The following CHD9 variants were observed in gnomAD, a reference collection of about 807,000 sequenced individuals.
The protein encoded by CHD9 is ATP-dependent chromatin remodeler CHD9.
Under a neutral mutation model 316.1 loss-of-function variants are expected in CHD9, and 77 were observed. That is an observed-to-expected ratio of 0.24 (90% CI 0.20 to 0.29). The LOEUF is 0.29. Among genes scored for constraint, CHD9 ranks in the 10% least tolerant of loss-of-function variants. The pLI is 1.00. For missense variants in CHD9, 2,763 were observed against 3,438.1 expected (o/e 0.80, Z 4.91); for synonymous variants, 1,129 against 1,158.3 (o/e 0.97, Z 0.51).
At chr16:53,143,833 G>A (rs1052743013) in intron 1 of CHD9, among the ~76,000 whole-genome samples, 2 of 152,124 alleles carry the variant, frequency 1.3e-5, no homozygotes, top group East Asian at 1.9e-4. Context: ...GACTCATGCT[G>A]TTACATGTTA....
intron 28 of CHD9, among the ~76,000 whole-genome samples, chr16:53,292,479 C>G (rs1230482917): frequency 6.6e-6 from 1 of 152,182 alleles, no homozygotes; most frequent in Non-Finnish European, 1.5e-5. Flanking sequence ...ATACAGAAGG[C>G]TTCCATTAGA....
chr16:53,108,891 T>C (rs1186068505), intron 1 of CHD9, among the ~76,000 whole-genome samples: 2 of 148,218 alleles, frequency 1.3e-5, no homozygotes, highest in Non-Finnish European at 2.9e-5. Flanking sequence ...CAAAACTGTT[T>C]CAAAAATAAA....
At chr16:53,271,747 G>A (rs1195568145) in intron 22 of CHD9, among the ~76,000 whole-genome samples, 1 of 151,870 alleles carries the variant, frequency 6.6e-6, no homozygotes, top group Non-Finnish European at 1.5e-5. Flanking sequence ...GAAAGCAGAA[G>A]CCTATAAATT....
chr16:53,270,662 A>G (rs116136271), intron 22 of CHD9, among the ~76,000 whole-genome samples: 52 of 152,298 alleles, frequency 3.4e-4, no homozygotes, highest in African/African-American at 1.2e-3. Flanking sequence ...AATAAGCATA[A>G]ACTCTCAAAA....
chr16:53,181,755 G>A (rs542371729), intron 2 of CHD9, among the ~76,000 whole-genome samples: 1 of 152,278 alleles, frequency 6.6e-6, no homozygotes, highest in South Asian at 2.1e-4. Context: ...TCCTCAAAAT[G>A]TTACTGAGGG....
chr16:53,315,983 C>T (rs946372575), intron 36 of CHD9, among the ~76,000 whole-genome samples: 8 of 152,188 alleles, frequency 5.3e-5, no homozygotes, highest in African/African-American at 1.4e-4. Context: ...GGCTCATGCC[C>T]GTAATCCTAG....
intron 1 of CHD9, among the ~76,000 whole-genome samples, chr16:53,097,038 A>G (rs373305499): frequency 6.6e-6 from 1 of 152,038 alleles, no homozygotes; most frequent in Non-Finnish European, 1.5e-5. Flanking sequence ...ACATCTCTCA[A>G]TACTGCCACA....
chr16:53,080,162 A>T (rs773712293), intron 1 of CHD9, among the ~76,000 whole-genome samples: 1 of 152,228 alleles, frequency 6.6e-6, no homozygotes, highest in Admixed American at 6.5e-5. Context: ...ATTGGTTGGC[A>T]TGGGGGAAAA....
chr16:53,156,094 C>T lies in CHD9; in HGVS notation c.5C>T (p.Thr2Ile). The T allele has an allele frequency of 1.2e-6, 2 of 1,610,402 alleles. No homozygotes were observed. Among genetic ancestry groups the T allele is most frequent in the Non-Finnish European group, 1.7e-6 (2 of 1,177,946 alleles). Residue 2 changes from threonine to isoleucine, a missense_variant, in exon 2 of 39, where the codon ACA becomes ATA. By Grantham distance (89) the Thr-to-Ile change is moderately conservative. Coordinates refer to ENST00000447540, the MANE Select transcript of CHD9 (RefSeq NM_001308319.2). ...GATTGTTACAGAATTTTCAAGATGA[C>T]AGATCCAATGATGGACTTTTTTGAT... is the stretch of plus-strand genomic sequence containing the variant. M[T>I]DPMMDFFDDA...
chr16:53,324,443 A>G lies in CHD9; in HGVS notation c.8242A>G (p.Lys2748Glu). The G allele has an allele frequency of 1.9e-6, 3 of 1,613,718 alleles. No individual in the cohort carries two copies. The highest frequency in any genetic ancestry group is 2.5e-6 in the Non-Finnish European group (3 of 1,179,584). The stretch of plus-strand genomic sequence containing the variant: ...AGAAGACAAAAAGGGAAGTGACTCT[A>G]AGGAGTCAGAAGGAAAAACAGAAAG... ...GTEDKKGSDS[K>E]ESEGKTERTE... is the part of the protein sequence containing the mutation. Residue 2748 changes from lysine to glutamate, a missense_variant, in exon 39 of 39, where the codon AAG becomes GAG. By Grantham distance (56) the Lys-to-Glu change is moderately conservative. This residue lies in a region of CHD9 where 298 missense variants were observed against 380.2 expected (regional missense o/e 0.78). Transcript: ENST00000447540.
chr16:53,189,018 T>A (rs2044272230), intron 2 of CHD9, among the ~76,000 whole-genome samples: 1 of 152,184 alleles, frequency 6.6e-6, no homozygotes, highest in Non-Finnish European at 1.5e-5. Context: ...GTTTTTTAAA[T>A]TGAAAAAGCT....
intron 1 of CHD9, among the ~76,000 whole-genome samples, chr16:53,103,859 G>A (rs1441939372): frequency 3.3e-5 from 5 of 152,146 alleles, no homozygotes; most frequent in Non-Finnish European, 4.4e-5. Context: ...TTTTATGATT[G>A]CATTTCATAG....
At position 53,317,101 on chromosome 16, in the gene CHD9, C is replaced by T. The variant is rs532292619; in HGVS notation, c.7585-1111C>T. 5.7e-5 allele frequency among the ~76,000 whole-genome samples: 8 copies of T among 140,494 alleles called. No individual in the cohort carries two copies. In the South Asian group the frequency reaches 1.8e-3, roughly 31 times the overall value. 92.2% of individuals were successfully genotyped at this position (140,494 alleles called of 152,430 possible). ...GTCCCAGCTACTCGAGAGGCTGAGG[C>T]AGGAGAATCTCTTGAACCCGGGAGG... is the stretch of plus-strand genomic sequence containing the variant. On this transcript the variant is annotated intron_variant, in intron 36 of 38. Transcript: ENST00000447540.
In CHD9 at chr16:53,304,242, G is replaced by A. The variant is rs1036337443; in HGVS notation, c.6236G>A (p.Ser2079Asn). The A allele has an allele frequency of 6.2e-7, 1 of 1,611,148 alleles. No homozygotes were observed. The highest frequency in any genetic ancestry group is 8.5e-7 in the Non-Finnish European group (1 of 1,178,850). The change falls in exon 31 of 39, where the codon AGT (serine) becomes AAT (asparagine). Residue 2079 changes from serine (S) to asparagine (N), a missense_variant. This residue lies in a region of CHD9 where 663 missense variants were observed against 751.2 expected (regional missense o/e 0.88). Coordinates refer to ENST00000447540, the MANE Select transcript of CHD9 (RefSeq NM_001308319.2). ...TRTLIKSEPVSPKNGVLPQAT... is the reference protein window; with the variant it reads ...TRTLIKSEPVNPKNGVLPQAT... Reference sequence around the variant, plus strand: ...ACACTAATAAAATCTGAGCCTGTAAGTCCAAAGAATGGTGTTTTACCACAG... The same window carrying A: ...ACACTAATAAAATCTGAGCCTGTAAATCCAAAGAATGGTGTTTTACCACAG...
chr16:53,199,846 TG>T (rs746227334), intron 2 of CHD9, among the ~76,000 whole-genome samples: 4 of 152,216 alleles, frequency 2.6e-5, no homozygotes, highest in Admixed American at 6.5e-5. Context: ...GGTGGGGTTA[TG>T]AACACAGGAA....
chr16:53,253,840 G>A (rs2050333844), intron 17 of CHD9, among the ~76,000 whole-genome samples: 2 of 152,042 alleles, frequency 1.3e-5, no homozygotes, highest in African/African-American at 2.4e-5. Flanking sequence ...CTGTTCATAG[G>A]TTTTGTGTCC....
chr16:53,172,588 GA>G (rs1383788738), intron 2 of CHD9, among the ~76,000 whole-genome samples: 1 of 152,052 alleles, frequency 6.6e-6, no homozygotes, highest in Non-Finnish European at 1.5e-5. Flanking sequence ...ACGAAACTAG[GA>G]AAATATTTTT....
chr16:53,085,351 A>G (rs1387972349), intron 1 of CHD9, among the ~76,000 whole-genome samples: 1 of 151,660 alleles, frequency 6.6e-6, no homozygotes, highest in Non-Finnish European at 1.5e-5. Context: ...CCCCAGACCC[A>G]GCCTGCCTTT....
chr16:53,279,358 C>T (rs1267435966), intron 24 of CHD9, among the ~76,000 whole-genome samples: 4 of 142,708 alleles, frequency 2.8e-5, no homozygotes, highest in Middle Eastern at 3.5e-3. Flanking sequence ...TGGGGCCTGT[C>T]GTGGGGTGGG....
Sources: gnomAD v4.1 joint callset for allele counts (sites outside exome capture counted in the v4.1 genomes callset) on GRCh38, gnomAD v4.1.1 for gene constraint, gnomAD v4.1.1 regional missense constraint, MANE v1.5 for transcripts, NCBI Gene and HGNC (gene_info 2026-07-23, HGNC 2026-07-21) for gene names.